RANBP9: variants seen among roughly 807,000 people sequenced by gnomAD.
RANBP9 encodes the protein ran-binding protein 9.
A neutral mutation model predicts 84.3 loss-of-function variants in RANBP9; 15 were observed. The observed-to-expected ratio is 0.18, with a 90% CI of 0.12 to 0.27. The LOEUF (loss-of-function observed/expected upper bound fraction) is 0.27. RANBP9 is among the 10% of genes least tolerant of loss of function. The pLI is 1.00. For missense variants in RANBP9, 809 were observed against 912.8 expected (o/e 0.89, Z 1.46); for synonymous variants, 392 against 349.6 (o/e 1.12, Z -1.35).
chr6:13,661,999 A>G (rs1031362723), intron 2 of RANBP9, among the ~76,000 whole-genome samples: 2 of 152,206 alleles, frequency 1.3e-5, no homozygotes, highest in Non-Finnish European at 2.9e-5. Context: ...GAGGGAAAAA[A>G]TAAGATATTT....
Position 13,641,058 on chromosome 6 carries a change from C to T in RANBP9, c.1334+141G>A, listed in dbSNP as rs1472674457. ...CAAAAGTATTTTTCATAACATGTTG[C>T]TTAAATGACATTACAAAATTGTATA... On this transcript the variant is annotated intron_variant, in intron 8 of 13. Coordinates refer to ENST00000011619, the MANE Select transcript of RANBP9 (RefSeq NM_005493.3). 1.4e-5 allele frequency: 7 copies of T among 483,394 alleles called. No individual in the cohort carries two copies. In the East Asian group the frequency reaches 2.4e-4, roughly 17 times the overall value. 29.9% of individuals were successfully genotyped at this position (483,394 alleles called of 1,614,324 possible).
chr6:13,682,372 T>C (rs1421678397), intron 2 of RANBP9, among the ~76,000 whole-genome samples: 3 of 146,846 alleles, frequency 2.0e-5, no homozygotes, highest in Admixed American at 6.8e-5. Context: ...TAATGGGATA[T>C]ATTCTAAAGA....
intron 2 of RANBP9, among the ~76,000 whole-genome samples, chr6:13,661,720 T>C (rs1031498649): frequency 6.6e-6 from 1 of 152,182 alleles, no homozygotes; most frequent in Non-Finnish European, 1.5e-5. Context: ...GAAAAACATG[T>C]TGTTGAACTG....
intron 13 of RANBP9, among the ~76,000 whole-genome samples, chr6:13,623,368 T>C (rs1236469768): frequency 4.6e-5 from 7 of 152,120 alleles, no homozygotes; most frequent in African/African-American, 1.7e-4. Flanking sequence ...ATGGTTTAAC[T>C]CCACTCTTGG....
At chr6:13,634,745 AC>A (rs1764893958) in intron 10 of RANBP9, among the ~76,000 whole-genome samples, 193 bp from the exon 11 acceptor site, 1 of 152,122 alleles carries the variant, frequency 6.6e-6, no homozygotes, top group Non-Finnish European at 1.5e-5. Flanking sequence ...ACAAATTTGT[AC>A]CCCCGGAGGT....
At chr6:13,626,002 C>T (rs1764592024) in intron 12 of RANBP9, among the ~76,000 whole-genome samples, 1 of 152,172 alleles carries the variant, frequency 6.6e-6, no homozygotes, top group African/African-American at 2.4e-5. Context: ...TTCCTCCCAT[C>T]CCTAAACACA....
At chr6:13,668,578 A>G (rs149516882) in intron 2 of RANBP9, among the ~76,000 whole-genome samples, 1,744 of 152,260 alleles carry the variant, frequency 0.011, 28 homozygotes, top group African/African-American at 0.04. Flanking sequence ...ACAAAAATCA[A>G]TCAATGTAAT....
rs1230245518 is a variant in RANBP9 at position 13,621,756 on chromosome 6, AGACCAT to A, written c.*600_*605del. 1 of 152,678 alleles carries A rather than the reference AGACCAT, an allele frequency of 6.5e-6. No homozygotes were observed. The highest frequency in any genetic ancestry group is 2.4e-5 in the African/African-American group (1 of 41,470). The allele number at this position is 152,678 out of a possible 1,614,324, so 9.5% of individuals were successfully genotyped here. ...GTTAAACAGGAAACAAAGTTGAAAA[AGACCAT>A]GTTAAAACAAAACTACTGGGACTAA... On this transcript the variant is annotated 3_prime_UTR_variant, in exon 14 of 14. Transcript: ENST00000011619.
At chr6:13,632,276 A>C (rs1239806452) in intron 12 of RANBP9, 94 bp downstream of exon 12, 21 of 1,332,396 alleles carry the variant, frequency 1.6e-5, no homozygotes, top group Admixed American at 2.3e-5. Context: ...CCAGTTCCCT[A>C]ACAAGAATTT....
chr6:13,688,869 C>T (rs184657606), intron 2 of RANBP9, among the ~76,000 whole-genome samples: 4 of 150,264 alleles, frequency 2.7e-5, no homozygotes, highest in Admixed American at 2.0e-4. Context: ...AGATTGAAGG[C>T]AGTCTGGGTG....
intron 2 of RANBP9, among the ~76,000 whole-genome samples, chr6:13,678,177 T>C (rs1056442469): frequency 6.6e-6 from 1 of 152,128 alleles, no homozygotes; most frequent in African/African-American, 2.4e-5. Flanking sequence ...TCAGGTTACA[T>C]ACTTGAGACG....
chr6:13,654,198 C>T (rs1765353299), intron 4 of RANBP9, among the ~76,000 whole-genome samples: 1 of 152,096 alleles, frequency 6.6e-6, no homozygotes, highest in Admixed American at 6.5e-5. Context: ...GTTACCACAA[C>T]ATGTTTTTGC....
chr6:13,710,802 C>T, intron 1 of RANBP9, 133 bp downstream of exon 1: 1 of 979,634 alleles, frequency 1.0e-6, no homozygotes, highest in East Asian at 2.9e-5. Flanking sequence ...CGGAGCAGCA[C>T]AACAGGCGGC....
intron 5 of RANBP9, among the ~76,000 whole-genome samples, chr6:13,650,775 C>A (rs1765278497): frequency 1.3e-5 from 2 of 152,076 alleles, no homozygotes; most frequent in Non-Finnish European, 2.9e-5. Context: ...TCAGCCTCGG[C>A]AACCTGGCGA....
At chr6:13,637,631 A>G (rs974185724) in intron 10 of RANBP9, among the ~76,000 whole-genome samples, 177 bp downstream of exon 10, 23 of 152,188 alleles carry the variant, frequency 1.5e-4, no homozygotes, top group Admixed American at 1.2e-3. Flanking sequence ...CATGTGCATA[A>G]TAGGAGACTA....
Position 13,625,646 on chromosome 6 carries a change from T to TA in RANBP9, c.2059+6dup, listed in dbSNP as rs758147373. ...ACTGAAATTGTGCCTTATTTGGCTT[T>TA]ACTTACCTAATATTGCACTGTTAAG... On this transcript the variant is annotated splice_region_variant and intron_variant, in intron 13 of 13. Coordinates refer to ENST00000011619, the MANE Select transcript of RANBP9 (RefSeq NM_005493.3). The TA allele has an allele frequency of 1.3e-5, 20 of 1,581,390 alleles. No individual in the cohort carries two copies. Among genetic ancestry groups the TA allele is most frequent in the Non-Finnish European group, 1.7e-5 (20 of 1,151,148 alleles).
At chr6:13,635,910 A>C (rs769414491) in intron 10 of RANBP9, among the ~76,000 whole-genome samples, 2 of 152,072 alleles carry the variant, frequency 1.3e-5, no homozygotes, top group Admixed American at 6.6e-5. Context: ...TTAGGTGCTA[A>C]GGATATTATG....
intron 10 of RANBP9, among the ~76,000 whole-genome samples, chr6:13,636,627 TGAA>T (rs1764945806): frequency 6.6e-6 from 1 of 152,264 alleles, no homozygotes; most frequent in African/African-American, 2.4e-5. Flanking sequence ...TAAAGCATGA[TGAA>T]GTACTTAACT....
intron 5 of RANBP9, 107 bp downstream of exon 5, chr6:13,652,552 T>C: frequency 9.2e-7 from 1 of 1,081,368 alleles, no homozygotes; most frequent in Non-Finnish European, 1.3e-6. Context: ...ATAAACCTAA[T>C]AAATATCAAT....
Sources: allele counts gnomAD v4.1 joint callset (sites outside exome capture counted in the v4.1 genomes callset), GRCh38; gene constraint gnomAD v4.1.1; transcripts MANE v1.5; gene names NCBI Gene and HGNC (gene_info 2026-07-23, HGNC 2026-07-21).